PTPN14: variants seen among roughly 807,000 people sequenced by gnomAD.
PTPN14 encodes the protein tyrosine-protein phosphatase non-receptor type 14.
In PTPN14, 53 loss-of-function variants were observed where a neutral mutation model predicts 126.8. The ratio of observed to expected loss-of-function variants is 0.42; its 90% CI spans 0.34 to 0.53. The LOEUF (loss-of-function observed/expected upper bound fraction) is 0.53, where lower values mean the gene tolerates loss of function less well. Among genes scored for constraint, PTPN14 ranks in the 20% least tolerant of loss-of-function variants. PTPN14 has a pLI of 0.08. For synonymous variants in PTPN14, 630 were observed against 599.3 expected (o/e 1.05, Z -0.75); for missense variants, 1,257 against 1,552.9 (o/e 0.81, Z 3.20).
At chr1:214,428,232 C>T (rs910934918) in intron 3 of PTPN14, among the ~76,000 whole-genome samples, 1 of 152,192 alleles carries the variant, frequency 6.6e-6, no homozygotes, top group Non-Finnish European at 1.5e-5. Context: ...CAGACATATT[C>T]TGAAGGCTGG....
intron 1 of PTPN14, among the ~76,000 whole-genome samples, chr1:214,533,808 G>A (rs927974399): frequency 2.0e-5 from 3 of 146,950 alleles, no homozygotes; most frequent in Admixed American, 6.8e-5. Context: ...CTGCACTCCA[G>A]CCTGGGCGAC....
At chr1:214,544,550 G>A (rs895959585) in intron 1 of PTPN14, among the ~76,000 whole-genome samples, 1 of 152,162 alleles carries the variant, frequency 6.6e-6, no homozygotes, top group African/African-American at 2.4e-5. Context: ...AGGAGTTCGA[G>A]ACCAGCCTGG....
At chr1:214,426,973 C>T (rs1659678582) in intron 3 of PTPN14, among the ~76,000 whole-genome samples, 1 of 152,066 alleles carries the variant, frequency 6.6e-6, no homozygotes, top group Non-Finnish European at 1.5e-5. Flanking sequence ...TCTCAGCAGG[C>T]TTCTCCTAAA....
intron 8 of PTPN14, among the ~76,000 whole-genome samples, chr1:214,395,912 A>G (rs900926541): frequency 2.6e-5 from 4 of 151,942 alleles, no homozygotes; most frequent in Non-Finnish European, 1.5e-5. Context: ...TCCCTTCATC[A>G]TATCCCCCTA....
intron 1 of PTPN14, among the ~76,000 whole-genome samples, chr1:214,513,917 T>C (rs551080426): frequency 2.1e-4 from 32 of 152,288 alleles, no homozygotes; most frequent in African/African-American, 7.5e-4. Context: ...ATTACTCTTG[T>C]TCACCATCAC....
chr1:214,488,069 T>C (rs190173672), intron 1 of PTPN14, among the ~76,000 whole-genome samples: 15 of 152,304 alleles, frequency 9.8e-5, no homozygotes, highest in Admixed American at 9.1e-4. Context: ...CAACAGTGAA[T>C]GGCACAAGGG....
intron 1 of PTPN14, among the ~76,000 whole-genome samples, chr1:214,522,785 A>G (rs1437996087): frequency 6.6e-6 from 1 of 152,220 alleles, no homozygotes; most frequent in Non-Finnish European, 1.5e-5. Context: ...TATAAACAAA[A>G]GACAACCAAT....
chr1:214,393,972 G>A (rs1297649775), intron 9 of PTPN14, among the ~76,000 whole-genome samples, 195 bp from the exon 10 acceptor site: 1 of 152,200 alleles, frequency 6.6e-6, no homozygotes, highest in Non-Finnish European at 1.5e-5. Flanking sequence ...CCAAAGAGTG[G>A]CAGAACCTGC....
chr1:214,486,219 C>G (rs1571614884), intron 1 of PTPN14, among the ~76,000 whole-genome samples: 2 of 152,170 alleles, frequency 1.3e-5, no homozygotes, highest in East Asian at 3.8e-4. Flanking sequence ...GGAGCACTTC[C>G]TCCATACTAA....
chr1:214,396,871 T>G (rs190065374), intron 8 of PTPN14, among the ~76,000 whole-genome samples: 3 of 152,298 alleles, frequency 2.0e-5, no homozygotes, highest in African/African-American at 7.2e-5. Context: ...GTATAAAAAT[T>G]TATAGTTACA....
chr1:214,548,255 G>A lies in PTPN14; in HGVS notation c.-155+2928C>T, dbSNP rs147805378. Among the ~76,000 whole-genome samples the A allele has an allele frequency of 1.4e-3, 218 of 152,252 alleles. 2 individuals are homozygous for A. The highest frequency in any genetic ancestry group is 5.0e-3 in the African/African-American group (209 of 41,552). ...TATTTCAAACTCCCAAACCTGGACC[G>A]CCTGCTCCAGCACACTGACAGCCAG... On this transcript the variant is annotated intron_variant, in intron 1 of 18. Transcript: ENST00000366956.
intron 2 of PTPN14, among the ~76,000 whole-genome samples, chr1:214,462,826 T>C (rs545514575): frequency 6.6e-6 from 1 of 152,362 alleles, no homozygotes; most frequent in South Asian, 2.1e-4. Flanking sequence ...TGGCACAAGA[T>C]GGTTGTTCAA....
At chr1:214,516,717 G>T (rs2102451222) in intron 1 of PTPN14, among the ~76,000 whole-genome samples, 1 of 151,948 alleles carries the variant, frequency 6.6e-6, no homozygotes, top group Admixed American at 6.5e-5. Flanking sequence ...GGCAATGTTT[G>T]TTTGAAAACA....
intron 1 of PTPN14, among the ~76,000 whole-genome samples, chr1:214,472,251 T>C (rs1660775720): frequency 6.6e-6 from 1 of 152,162 alleles, no homozygotes; most frequent in Non-Finnish European, 1.5e-5. Flanking sequence ...CTCAGGATAC[T>C]GAGTTCTCCC....
intron 1 of PTPN14, among the ~76,000 whole-genome samples, chr1:214,481,511 C>CAAAAAAAAAAAA (rs371949252): frequency 1.5e-5 from 1 of 67,450 alleles, no homozygotes; most frequent in African/African-American, 6.8e-5. Flanking sequence ...AACTCCCGCT[C>CAAAAAAAAAAAA]AAAAAAAAAA....
At chr1:214,411,884 G>T in intron 4 of PTPN14, 133 bp from the exon 5 acceptor site, 1 of 505,744 alleles carries the variant, frequency 2.0e-6, no homozygotes, top group African/African-American at 2.0e-5. Context: ...TAAAAATAGT[G>T]CCAAGATATG....
intron 1 of PTPN14, among the ~76,000 whole-genome samples, chr1:214,509,297 T>C (rs1348931869): frequency 6.6e-6 from 1 of 152,240 alleles, no homozygotes; most frequent in Non-Finnish European, 1.5e-5. Context: ...AGCTTCTACA[T>C]CAGCACTTGC....
At chr1:214,531,599 T>C (rs74432616) in intron 1 of PTPN14, 6,382 of 152,228 alleles carry the variant, frequency 0.042, 190 homozygotes, top group Middle Eastern at 0.12. Context: ...ATTTCTCGTA[T>C]CTGCCCTGCA....
At chr1:214,534,163 A>G (rs1384336377) in intron 1 of PTPN14, among the ~76,000 whole-genome samples, 1 of 152,194 alleles carries the variant, frequency 6.6e-6, no homozygotes, top group Non-Finnish European at 1.5e-5. Flanking sequence ...AAACTTAAAG[A>G]TTGATGATGC....
Sources: allele counts gnomAD v4.1 joint callset (sites outside exome capture counted in the v4.1 genomes callset), GRCh38; gene constraint gnomAD v4.1.1; transcripts MANE v1.5; gene names NCBI Gene and HGNC (gene_info 2026-07-23, HGNC 2026-07-21).